Variants in ITSN2 observed in about 807,000 individuals in gnomAD.
The protein encoded by ITSN2 is intersectin-2.
Under a neutral mutation model 243.7 loss-of-function variants are expected in ITSN2, and 156 were observed. That is an observed-to-expected ratio of 0.64 (90% confidence interval 0.56 to 0.73). ITSN2 has a LOEUF of 0.73. ITSN2 is among the 30% of genes least tolerant of loss of function. The pLI, the probability that ITSN2 is intolerant of heterozygous loss-of-function variation, is 0.00. For synonymous variants in ITSN2, 703 were observed against 699.9 expected (o/e 1.00, Z -0.07); for missense variants, 1,801 against 1,996.1 (o/e 0.90, Z 1.86).
Position 24,249,416 on chromosome 2 carries a change from C to G in ITSN2, c.3121-534G>C. Among the ~76,000 whole-genome samples the G allele has an allele frequency of 6.6e-6, 1 of 152,144 alleles. No homozygotes were observed. Among genetic ancestry groups the G allele is most frequent in the East Asian group, 1.9e-4 (1 of 5,190 alleles). On this transcript the variant is annotated intron_variant, in intron 25 of 39. Transcript: ENST00000355123. The surrounding 1 kb of genome is among the most constrained non-coding windows in gnomAD (Gnocchi z 4.4). ...AAAAAATCCCTATCCTGTGTAGCAA[C>G]TATTACTTCTGTTTCACTTTAAAGG...
chr2:24,210,635 GAAAA>G (rs1315983719), intron 34 of ITSN2, 141 bp downstream of exon 34: 1 of 337,358 alleles, frequency 3.0e-6, no homozygotes, highest in Non-Finnish European at 5.2e-6. Context: ...AAAAAAAAAA[GAAAA>G]AAAAATGCCT....
chr2:24,264,932 A>AC (rs1042844007), intron 20 of ITSN2, among the ~76,000 whole-genome samples: 4 of 150,630 alleles, frequency 2.7e-5, no homozygotes, highest in African/African-American at 4.9e-5. Context: ...AAAAGAAACA[A>AC]AAAAAAAAAA....
chr2:24,261,500 T>C, intron 21 of ITSN2, 61 bp downstream of exon 21: 3 of 1,280,428 alleles, frequency 2.3e-6, no homozygotes. Flanking sequence ...GACACCATTA[T>C]ATATTAGGTA....
chr2:24,224,035 C>T (rs553703360), intron 29 of ITSN2, among the ~76,000 whole-genome samples: 1 of 144,870 alleles, frequency 6.9e-6, no homozygotes, highest in South Asian at 2.3e-4. Flanking sequence ...GAGGCTAATC[C>T]AAATGTCTGC....
intron 29 of ITSN2, among the ~76,000 whole-genome samples, chr2:24,222,284 G>A (rs1412419567): frequency 6.8e-6 from 1 of 148,010 alleles, no homozygotes; most frequent in African/African-American, 2.5e-5. Flanking sequence ...AGCAAAAGCA[G>A]TGGAAGTTGT....
intron 17 of ITSN2, among the ~76,000 whole-genome samples, chr2:24,278,642 A>C (rs910614742): frequency 3.3e-5 from 5 of 149,286 alleles, no homozygotes. Context: ...AGTTGTTCTC[A>C]ATCTTTTTTT....
chr2:24,270,923 G>A (rs1418686780), intron 19 of ITSN2, among the ~76,000 whole-genome samples, 155 bp from the exon 20 acceptor site: 1 of 152,140 alleles, frequency 6.6e-6, no homozygotes. Context: ...TCAGTATCTT[G>A]ACTAGTCATC....
At chr2:24,220,689 C>G in intron 30 of ITSN2, 1 of 1,302,656 alleles carries the variant, frequency 7.7e-7, no homozygotes, top group Non-Finnish European at 9.7e-7. Context: ...CGAATGCCCT[C>G]TTGTTCTCCC....
chr2:24,298,786 CGTT>C lies in ITSN2; in HGVS notation c.1370_1372del (p.Gln457del), dbSNP rs772381794. On this transcript the variant is annotated inframe_deletion, in exon 13 of 40. Coordinates refer to ENST00000355123, the MANE Select transcript of ITSN2 (RefSeq NM_006277.3). ...CCGAATTCTCTCCCATTCTAAGCGACGTTGTCGTTCAAGTTCCTGTTTTGCTGC... is the reference window on the plus strand; with the variant it reads ...CCGAATTCTCTCCCATTCTAAGCGACGTCGTTCAAGTTCCTGTTTTGCTGC... 4 of 1,600,606 alleles carry C rather than the reference CGTT, an allele frequency of 2.5e-6. No individual in the cohort carries two copies. The Admixed American group carries it at 5.3e-5, about 21-fold the overall frequency.
intron 1 of ITSN2, among the ~76,000 whole-genome samples, chr2:24,333,785 TG>T (rs1295223951): frequency 6.6e-6 from 1 of 152,030 alleles, no homozygotes; most frequent in Non-Finnish European, 1.5e-5. Context: ...AAAGTAGAAA[TG>T]CTAGAACAAA....
chr2:24,218,958 C>T (rs1450230438), intron 30 of ITSN2, among the ~76,000 whole-genome samples: 1 of 152,204 alleles, frequency 6.6e-6, no homozygotes, highest in African/African-American at 2.4e-5. Flanking sequence ...CAGACTCCTC[C>T]TGGAGGTTCC....
At chr2:24,290,082 C>A (rs987339842) in intron 15 of ITSN2, among the ~76,000 whole-genome samples, 1 of 152,120 alleles carries the variant, frequency 6.6e-6, no homozygotes, top group Non-Finnish European at 1.5e-5. Context: ...GATCACGTGG[C>A]TCGTAGATTT....
At chr2:24,229,844 C>T (rs1438065018) in intron 29 of ITSN2, among the ~76,000 whole-genome samples, 1 of 152,142 alleles carries the variant, frequency 6.6e-6, no homozygotes. Context: ...TCTTCCAGGT[C>T]ACCACCTCTC....
chr2:24,270,102 T>C (rs1677161294), intron 20 of ITSN2, among the ~76,000 whole-genome samples: 1 of 152,172 alleles, frequency 6.6e-6, no homozygotes. Context: ...CTAGATACTC[T>C]GGCTAGATAC....
chr2:24,263,925 T>C (rs1002631995), intron 20 of ITSN2, among the ~76,000 whole-genome samples: 5 of 152,224 alleles, frequency 3.3e-5, no homozygotes, highest in Non-Finnish European at 1.5e-5. Flanking sequence ...AAGAGTGGAA[T>C]GGCTGAGTCA....
intron 13 of ITSN2, among the ~76,000 whole-genome samples, chr2:24,298,047 C>T (rs376030031): frequency 6.7e-6 from 1 of 150,364 alleles, no homozygotes; most frequent in Admixed American, 6.6e-5. Context: ...TGCAGTGGTG[C>T]GATCTTGGCT....
intron 2 of ITSN2, 91 bp downstream of exon 2, chr2:24,327,961 A>T: frequency 2.5e-6 from 3 of 1,213,118 alleles, no homozygotes; most frequent in Non-Finnish European, 3.6e-6. Context: ...TTATACACTT[A>T]AGGAAAATTA....
chr2:24,317,375 G>T (rs1194394924), intron 2 of ITSN2, among the ~76,000 whole-genome samples: 2 of 148,012 alleles, frequency 1.4e-5, no homozygotes, highest in Non-Finnish European at 3.0e-5. Context: ...ACAAGGGCAA[G>T]ACGCAATCTC....
rs1673789115 is a variant in ITSN2 at position 24,249,189 on chromosome 2, T to TC, written c.3121-308dup. On this transcript the variant is annotated intron_variant, in intron 25 of 39. Coordinates refer to ENST00000355123, the MANE Select transcript of ITSN2 (RefSeq NM_006277.3). The surrounding 1 kb of genome is among the most constrained non-coding windows in gnomAD (Gnocchi z 4.4). ...ACATGACCCTCCAGGCCAAATGCAC[T>TC]CCATTTATCAATGGCGTTAGCACCA... is the stretch of plus-strand genomic sequence containing the variant. Among the ~76,000 whole-genome samples the TC allele has an allele frequency of 1.3e-5, 2 of 152,176 alleles. No homozygotes were observed. The highest frequency in any genetic ancestry group is 6.5e-5 in the Admixed American group (1 of 15,282).
Sources: gnomAD v4.1 joint callset for allele counts (sites outside exome capture counted in the v4.1 genomes callset) on GRCh38, gnomAD v4.1.1 for gene constraint, Gnocchi (gnomAD v3.1) non-coding constraint, MANE v1.5 for transcripts, NCBI Gene and HGNC (gene_info 2026-07-23, HGNC 2026-07-21) for gene names.